The following CFDP1 variants were observed in gnomAD, a reference collection of about 807,000 sequenced individuals.
CFDP1 encodes the protein heterochromatin-stabilizing protein CFDP1.
In CFDP1, 31 loss-of-function variants were observed where a neutral mutation model predicts 40.1. The ratio of observed to expected loss-of-function variants is 0.77; its 90% CI spans 0.58 to 1.04. The LOEUF is 1.04. Ranked by LOEUF, CFDP1 falls within the 50% of genes least tolerant of loss-of-function variation. CFDP1 has a pLI of 0.00. For missense variants in CFDP1, 423 were observed against 343.4 expected (o/e 1.23, Z -1.83); for synonymous variants, 167 against 120.0 (o/e 1.39, Z -2.56).
At position 75,312,607 on chromosome 16, in the gene CFDP1, C is replaced by G. The variant is rs559649503; in HGVS notation, c.651-7425G>C. On this transcript the variant is annotated intron_variant, in intron 5 of 6. Transcript: ENST00000283882. ...TTTATAACGTGTGTCTAAAACATAC[C>G]TATTTTAGTGATAGAAGTCCTGAAT... 5.9e-5 allele frequency among the ~76,000 whole-genome samples: 9 copies of G among 152,164 alleles called. No individual in the cohort carries two copies. In the South Asian group the frequency reaches 1.5e-3, roughly 25 times the overall value.
intron 5 of CFDP1, among the ~76,000 whole-genome samples, chr16:75,324,228 G>C (rs2078387420): frequency 6.6e-6 from 1 of 152,138 alleles, no homozygotes; most frequent in African/African-American, 2.4e-5. Flanking sequence ...AGAGAGGGTG[G>C]GGGAGGTGTC....
intron 4 of CFDP1, among the ~76,000 whole-genome samples, chr16:75,397,091 T>C (rs1567671195): frequency 6.6e-6 from 1 of 151,914 alleles, no homozygotes; most frequent in Non-Finnish European, 1.5e-5. Context: ...TTTTTTTGTA[T>C]TTTTAGTAGA....
chr16:75,404,307 C>A (rs2079080435), intron 4 of CFDP1, among the ~76,000 whole-genome samples: 1 of 148,966 alleles, frequency 6.7e-6, no homozygotes, highest in African/African-American at 2.5e-5. Flanking sequence ...ACGATCTCGG[C>A]TCACTGCAAG....
intron 6 of CFDP1, among the ~76,000 whole-genome samples, chr16:75,298,611 G>C (rs1275599819): frequency 6.6e-6 from 1 of 152,214 alleles, no homozygotes; most frequent in African/African-American, 2.4e-5. Context: ...TCCGAGGCTA[G>C]AATAAAGCTC....
At chr16:75,356,109 C>A (rs1438390750) in intron 5 of CFDP1, among the ~76,000 whole-genome samples, 1 of 152,190 alleles carries the variant, frequency 6.6e-6, no homozygotes, top group Non-Finnish European at 1.5e-5. Context: ...TTCTTAATGG[C>A]ATCTAGGATA....
chr16:75,331,702 G>GTGTATCATGGAT (rs71158598), intron 5 of CFDP1, among the ~76,000 whole-genome samples: 1 of 151,792 alleles, frequency 6.6e-6, no homozygotes. Flanking sequence ...TCCATGTTGT[G>GTGTATCATGGAT]TGTTCCTTGT....
intron 4 of CFDP1, among the ~76,000 whole-genome samples, chr16:75,405,469 C>T (rs561337536): frequency 4.6e-5 from 7 of 151,776 alleles, no homozygotes; most frequent in Admixed American, 1.3e-4. Flanking sequence ...CACAAGAGGC[C>T]TGGTGTGGTG....
chr16:75,337,715 C>A (rs189017479), intron 5 of CFDP1, among the ~76,000 whole-genome samples: 1 of 152,016 alleles, frequency 6.6e-6, no homozygotes, highest in Admixed American at 6.6e-5. Context: ...TTTTAAACAA[C>A]CAAATCTCAT....
At chr16:75,360,491 G>A (rs2078673695) in intron 5 of CFDP1, among the ~76,000 whole-genome samples, 1 of 152,064 alleles carries the variant, frequency 6.6e-6, no homozygotes, top group Non-Finnish European at 1.5e-5. Flanking sequence ...AGCACCAGAG[G>A]GTCCAAAACA....
chr16:75,320,045 G>C (rs562693160), intron 5 of CFDP1, among the ~76,000 whole-genome samples: 19 of 152,280 alleles, frequency 1.2e-4, no homozygotes, highest in Middle Eastern at 3.4e-3. Context: ...TTTACCCACG[G>C]TATCACTGAC....
rs148426890 is a variant in CFDP1 at position 75,406,658 on chromosome 16, G to A, written c.530+5167C>T. 984 of 152,030 alleles carry A rather than the reference G, an allele frequency of 6.5e-3. 9 individuals carry two copies. The highest frequency in any genetic ancestry group is 0.017 in the Middle Eastern group (5 of 296). 9.4% of individuals were successfully genotyped at this position (152,030 alleles called of 1,614,324 possible). A position where few individuals can be genotyped will look rare whatever the true frequency, so the allele number is the denominator to read the frequency against. ...ATAGGTTGTGATGAGCCGAGATTGC[G>A]CCACTGCACTCCAGGCTGGGTTGAT... On this transcript the variant is annotated intron_variant, in intron 4 of 6. Transcript: ENST00000283882.
chr16:75,350,833 C>CAAGATAAAT (rs2078605659), intron 5 of CFDP1, among the ~76,000 whole-genome samples: 1 of 151,916 alleles, frequency 6.6e-6, no homozygotes, highest in African/African-American at 2.4e-5. Flanking sequence ...CCAAGATACG[C>CAAGATAAAT]AAGATAAATA....
Position 75,344,493 on chromosome 16 carries a change from G to C in CFDP1, c.651-39311C>G, listed in dbSNP as rs78174031. Among the ~76,000 whole-genome samples the C allele has an allele frequency of 1.1e-3, 163 of 152,288 alleles. 1 individual carries two copies. The highest frequency in any genetic ancestry group is 1.8e-3 in the Non-Finnish European group (120 of 68,032). The stretch of plus-strand genomic sequence containing the variant: ...TTCGTGACTGAACAACCACGTTATA[G>C]CTTATGTTCAGATATTTTATAGTAG... On this transcript the variant is annotated intron_variant, in intron 5 of 6. Coordinates refer to ENST00000283882, the MANE Select transcript of CFDP1 (RefSeq NM_006324.3).
chr16:75,390,695 G>C (rs926804183), intron 5 of CFDP1, among the ~76,000 whole-genome samples: 2 of 152,224 alleles, frequency 1.3e-5, no homozygotes, highest in African/African-American at 4.8e-5. Flanking sequence ...TGCAGAGAGA[G>C]AAGAAACAGA....
intron 5 of CFDP1, among the ~76,000 whole-genome samples, chr16:75,373,226 T>C (rs185406556): frequency 6.6e-6 from 1 of 152,336 alleles, no homozygotes; most frequent in Non-Finnish European, 1.5e-5. Flanking sequence ...GGAAATAACA[T>C]GGTGACCCAT....
chr16:75,305,403 C>T (rs1460327535), intron 5 of CFDP1: 1 of 513,518 alleles, frequency 1.9e-6, no homozygotes, highest in Non-Finnish European at 3.5e-6. Context: ...CTCTCCTGAG[C>T]TACGAACAGG....
In CFDP1 at chr16:75,300,381, G is replaced by A. The variant is rs148318523; in HGVS notation, c.809+4643C>T. ...TGGCTCATTGCAACCTCCGCCTCCC[G>A]GGTTCAAGCAATTCTTTAGCCTCAG... On this transcript the variant is annotated intron_variant, in intron 6 of 6. Coordinates refer to ENST00000283882, the MANE Select transcript of CFDP1 (RefSeq NM_006324.3). Among the ~76,000 whole-genome samples, 111 of 152,132 alleles carry A rather than the reference G, an allele frequency of 7.3e-4. 1 individual carries two copies. In the East Asian group the frequency reaches 0.021, roughly 29 times the overall value.
At chr16:75,384,231 C>T (rs1471263315) in intron 5 of CFDP1, among the ~76,000 whole-genome samples, 1 of 152,054 alleles carries the variant, frequency 6.6e-6, no homozygotes, top group Non-Finnish European at 1.5e-5. Flanking sequence ...GTGGCACATG[C>T]CTGTAATCCC....
chr16:75,305,230 C>G (rs1373367445), intron 5 of CFDP1, 48 bp from the exon 6 acceptor site: 4 of 1,583,766 alleles, frequency 2.5e-6, no homozygotes, highest in African/African-American at 1.4e-5. Flanking sequence ...ACTCTGATCT[C>G]TATATTAACA....
Sources: gnomAD v4.1 joint callset for allele counts (sites outside exome capture counted in the v4.1 genomes callset) on GRCh38, gnomAD v4.1.1 for gene constraint, MANE v1.5 for transcripts, NCBI Gene and HGNC (gene_info 2026-07-23, HGNC 2026-07-21) for gene names.